CPLANE1: variants seen among roughly 807,000 people sequenced by gnomAD.
CPLANE1 encodes the protein ciliogenesis and planar polarity effector 1.
Under a neutral mutation model 362.5 loss-of-function variants are expected in CPLANE1, and 263 were observed. That is an observed-to-expected ratio of 0.73 (90% CI 0.66 to 0.80). The LOEUF (loss-of-function observed/expected upper bound fraction) is 0.80, where lower values mean the gene tolerates loss of function less well. CPLANE1 is among the 30% of genes least tolerant of loss of function. The pLI is 0.00. For missense variants in CPLANE1, 3,461 were observed against 3,793.4 expected (o/e 0.91, Z 2.30); for synonymous variants, 1,212 against 1,302.6 (o/e 0.93, Z 1.50).
At chr5:37,171,502 G>T (rs922373203) in intron 32 of CPLANE1, among the ~76,000 whole-genome samples, 2 of 152,166 alleles carry the variant, frequency 1.3e-5, no homozygotes, top group Non-Finnish European at 2.9e-5. Flanking sequence ...AGTAAGGCAG[G>T]AAAGGAGGGA....
At position 37,218,349 on chromosome 5, in the gene CPLANE1, G is replaced by GGT. The variant is rs1794614190; in HGVS notation, c.2746+2973_2746+2974dup. Among the ~76,000 whole-genome samples the GGT allele has an allele frequency of 2.6e-5, 4 of 152,266 alleles. No individual in the cohort carries two copies. In the South Asian group the frequency reaches 8.3e-4, roughly 32 times the overall value. On this transcript the variant is annotated intron_variant, in intron 15 of 52. Transcript: ENST00000651892. The stretch of plus-strand genomic sequence containing the variant: ...CACTGAGGTTCTAATGAACTTCCCT[G>GGT]GTAGACTATATCTCACATGTTGTCA...
At chr5:37,238,189 G>A (rs965721235) in intron 8 of CPLANE1, among the ~76,000 whole-genome samples, 1 of 152,010 alleles carries the variant, frequency 6.6e-6, no homozygotes, top group African/African-American at 2.4e-5. Flanking sequence ...TTTTGTGTGT[G>A]TGTGACAGAG....
At chr5:37,077,618 T>C in the CPLANE1 span, among the ~76,000 whole-genome samples, 1 of 140,074 alleles carries the variant, frequency 7.1e-6, no homozygotes, top group Non-Finnish European at 1.5e-5. Flanking sequence ...TTTTTTTTTT[T>C]TTTTTTTTTT....
At chr5:37,132,327 G>A (rs535402320) in intron 46 of CPLANE1, among the ~76,000 whole-genome samples, 5 of 141,740 alleles carry the variant, frequency 3.5e-5, no homozygotes, top group East Asian at 2.1e-4. Context: ...TTGCTTATTC[G>A]ATTGTTCAAG....
At chr5:37,229,981 A>T (rs973100245) in intron 9 of CPLANE1, among the ~76,000 whole-genome samples, 1 of 152,162 alleles carries the variant, frequency 6.6e-6, no homozygotes, top group Non-Finnish European at 1.5e-5. Flanking sequence ...GTTCCAGACC[A>T]GCCTGACCAA....
intron 25 of CPLANE1, among the ~76,000 whole-genome samples, chr5:37,184,573 T>A (rs991518102): frequency 6.6e-6 from 1 of 152,142 alleles, no homozygotes; most frequent in Admixed American, 6.6e-5. Flanking sequence ...GCAAAATTAT[T>A]TCATATATCA....
intron 46 of CPLANE1, among the ~76,000 whole-genome samples, chr5:37,128,348 C>A (rs1202674345): frequency 6.6e-6 from 1 of 152,140 alleles, no homozygotes; most frequent in African/African-American, 2.4e-5. Context: ...TTCTGATCAC[C>A]TCATCTCTAA....
At chr5:37,155,089 C>A (rs1192332211) in intron 41 of CPLANE1, among the ~76,000 whole-genome samples, 1 of 152,226 alleles carries the variant, frequency 6.6e-6, no homozygotes, top group African/African-American at 2.4e-5. Context: ...AATAAATAGA[C>A]CCCAAATGAT....
Position 37,124,004 on chromosome 5 carries a change from G to A in CPLANE1, c.8958+1240C>T, listed in dbSNP as rs77583648. Reference sequence around the variant, plus strand: ...ACACATGCACACACTTTAAGATTCTGGTCAGGTACCTCAGTAGCCCTGAAG... The same window carrying A: ...ACACATGCACACACTTTAAGATTCTAGTCAGGTACCTCAGTAGCCCTGAAG... On this transcript the variant is annotated intron_variant, in intron 47 of 52. Coordinates refer to ENST00000651892, the MANE Select transcript of CPLANE1 (RefSeq NM_001384732.1). 7.1e-3 allele frequency among the ~76,000 whole-genome samples: 1,070 copies of A among 150,698 alleles called. 15 individuals are homozygous for A. Among genetic ancestry groups the A allele is most frequent in the South Asian group, 0.019 (89 of 4,754 alleles).
At chr5:37,242,760 C>T (rs1800838218) in intron 6 of CPLANE1, among the ~76,000 whole-genome samples, 1 of 151,948 alleles carries the variant, frequency 6.6e-6, no homozygotes, top group African/African-American at 2.4e-5. Flanking sequence ...GGTATGATGC[C>T]TCATGCCTGT....
intron 16 of CPLANE1, chr5:37,210,116 A>C: frequency 1.1e-6 from 1 of 879,498 alleles, no homozygotes. Flanking sequence ...ATTTTGAGAA[A>C]GCTTGTCAAG....
At chr5:37,100,297 G>C in the CPLANE1 span, among the ~76,000 whole-genome samples, 1 of 152,122 alleles carries the variant, frequency 6.6e-6, no homozygotes, top group East Asian at 1.9e-4. Context: ...AAGGTATAAG[G>C]AAGGGGTCCA....
chr5:37,169,082 A>G lies in CPLANE1; in HGVS notation c.6942T>C (p.His2314=), dbSNP rs1378021596. Residue 2314 remains histidine, a synonymous_variant, in exon 34 of 53, where the codon CAT becomes CAC. Coordinates refer to ENST00000651892, the MANE Select transcript of CPLANE1 (RefSeq NM_001384732.1). ...GTCCAACATATTGATCCAAGTTCACATGATTAGGAATTTCTGTAATTACAG... is the reference window on the plus strand; with the variant it reads ...GTCCAACATATTGATCCAAGTTCACGTGATTAGGAATTTCTGTAATTACAG... ...AETVITEIPN[H]VNLDQYVGQE... is the part of the protein sequence containing the mutation. 4 of 1,614,110 alleles carry G rather than the reference A, an allele frequency of 2.5e-6. No individual in the cohort carries two copies. The highest frequency in any genetic ancestry group is 3.4e-6 in the Non-Finnish European group (4 of 1,180,044).
At chr5:37,182,177 TCACATACACACACA>T (rs1423146248) in intron 26 of CPLANE1, among the ~76,000 whole-genome samples, 1 of 151,814 alleles carries the variant, frequency 6.6e-6, no homozygotes, top group Non-Finnish European at 1.5e-5. Flanking sequence ...ATTCACATAT[TCACATACACACACA>T]CACATACACA....
intron 15 of CPLANE1, among the ~76,000 whole-genome samples, chr5:37,218,820 C>T (rs1448425086): frequency 6.6e-6 from 1 of 151,394 alleles, no homozygotes; most frequent in Non-Finnish European, 1.5e-5. Context: ...TGGTGGCAGG[C>T]GCCTGTAATC....
chr5:37,219,791 T>C (rs1405571141), intron 15 of CPLANE1, among the ~76,000 whole-genome samples: 4 of 152,110 alleles, frequency 2.6e-5, no homozygotes, highest in Non-Finnish European at 4.4e-5. Context: ...TTTATAAGAC[T>C]ATCCAGCTCC....
In CPLANE1 at chr5:37,142,438, T is replaced by C; in HGVS notation, c.8504A>G (p.Lys2835Arg). 6.2e-7 allele frequency: 1 copy of C among 1,607,598 alleles called. No individual in the cohort carries two copies. Among genetic ancestry groups the C allele is most frequent in the Non-Finnish European group, 8.5e-7 (1 of 1,177,452 alleles). Reference sequence around the variant, plus strand: ...AAATTCAGGTTCTGAAGTCTCCTTTTTGTCACTTTGATCTTCTTCATCCAT... The same window carrying C: ...AAATTCAGGTTCTGAAGTCTCCTTTCTGTCACTTTGATCTTCTTCATCCAT... ...THMDEEDQSD[K>R]KETSEPEFSI... Residue 2835 changes from lysine to arginine, a missense_variant, in exon 44 of 53, where the codon AAA becomes AGA. Coordinates refer to ENST00000651892, the MANE Select transcript of CPLANE1 (RefSeq NM_001384732.1).
intron 52 of CPLANE1, 75 bp downstream of exon 52, chr5:37,108,218 A>G: frequency 7.2e-7 from 1 of 1,398,318 alleles, no homozygotes; most frequent in Non-Finnish European, 9.9e-7. Context: ...ACTAAAAAAC[A>G]AACAAACAAA....
intron 50 of CPLANE1, among the ~76,000 whole-genome samples, 154 bp downstream of exon 50, chr5:37,120,062 A>G (rs1454711691): frequency 6.6e-6 from 1 of 152,150 alleles, no homozygotes; most frequent in East Asian, 1.9e-4. Context: ...AAAAAAAAAA[A>G]TTACAGCTAA....
Sources: allele counts gnomAD v4.1 joint callset (sites outside exome capture counted in the v4.1 genomes callset), GRCh38; gene constraint gnomAD v4.1.1; transcripts MANE v1.5; gene names NCBI Gene and HGNC (gene_info 2026-07-23, HGNC 2026-07-21).